The following CACNA1F variants were observed in gnomAD, a reference collection of about 807,000 sequenced individuals.
CACNA1F encodes the protein voltage-dependent L-type calcium channel subunit alpha-1F.
Under a neutral mutation model 143.8 loss-of-function variants are expected in CACNA1F, and 59 were observed. The ratio of observed to expected loss-of-function variants is 0.41; its 90% confidence interval spans 0.33 to 0.51. CACNA1F has a LOEUF of 0.51. Among genes scored for constraint, CACNA1F ranks in the 20% least tolerant of loss-of-function variants. The pLI is 0.22. For synonymous variants in CACNA1F, 643 were observed against 649.1 expected, an observed-to-expected ratio of 0.99 and a Z score of 0.14; for missense variants, 1,411 against 1,647.5, an observed-to-expected ratio of 0.86 and a Z score of 2.48.
In CACNA1F at chrX:49,228,314, G is replaced by T. The variant is rs2065844351; in HGVS notation, c.951C>A (p.Phe317Leu). 1 of 1,211,878 alleles carries T rather than the reference G, an allele frequency of 8.3e-7. No homozygotes were observed. The highest frequency in any genetic ancestry group is 3.0e-5 in the East Asian group (1 of 33,851). ...NGGITNFDNF[F>L]FAMLTVFQCV... ...ACTGGAAGACTGTCAGCATGGCGAA[G>T]AAGAAGTTGTCAAAGTTGGTGATGC... The change falls in exon 7 of 48, where the codon TTC becomes TTA. Residue 317 changes from phenylalanine to leucine, a missense_variant. Around this residue, in one of 3 missense-constraint regions of CACNA1F, gnomAD observed 950 missense variants for 1,128.1 expected, o/e 0.84. Coordinates refer to ENST00000323022, the MANE Select transcript of CACNA1F (RefSeq NM_001256789.3).
At position 49,226,026 on chromosome X, in the gene CACNA1F, G is replaced by C. The variant is rs782544445; in HGVS notation, c.1534C>G (p.Arg512Gly). ...CAGGCATTGGACTTCACTGCCCGAC[G>C]GCAGCGTGCCCGAAGGACCCGGTTG... ...RANRVLRARCRRAVKSNACYW... is the reference protein window; with the variant it reads ...RANRVLRARCGRAVKSNACYW... The change falls in exon 13 of 48, where the codon CGT becomes GGT. Residue 512 changes from arginine (R) to glycine (G), a missense_variant. Coordinates refer to ENST00000323022, the MANE Select transcript of CACNA1F (RefSeq NM_001256789.3). 65 of 1,187,380 alleles carry C rather than the reference G, an allele frequency of 5.5e-5. No individual in the cohort carries two copies. The highest frequency in any genetic ancestry group is 6.7e-5 in the Non-Finnish European group (59 of 883,563).
At chrX:49,217,238 C>T (rs1557107636) in intron 26 of CACNA1F, among the ~76,000 whole-genome samples, 2 of 112,901 alleles carry the variant, frequency 1.8e-5, no homozygotes, top group Non-Finnish European at 3.7e-5. Context: ...GGATTACAGG[C>T]GTGAGCCACA....
chrX:49,214,409 C>T, intron 29 of CACNA1F, 140 bp from the exon 30 acceptor site: 1 of 511,152 alleles, frequency 2.0e-6, no homozygotes, highest in Non-Finnish European at 3.5e-6. Flanking sequence ...CACTGTCTGC[C>T]TCCCATTATG....
rs371307413 is a variant in CACNA1F at position 49,205,767 on chromosome X, G to A, written c.5519C>T (p.Pro1840Leu). ...PPQRGRLLYA[P>L]LLLVEEGAAG... ...TGCGCCCTCTTCCACCAACAACAGC[G>A]GGGCATACAGGAGCCGACCCCGCTG... is the stretch of plus-strand genomic sequence containing the variant. The change falls in exon 47 of 48, where the codon CCG becomes CTG. Residue 1840 changes from proline to leucine, a missense_variant. By Grantham distance (98) the Pro-to-Leu change is moderately conservative. Transcript: ENST00000323022. 9.1e-6 allele frequency: 11 copies of A among 1,202,887 alleles called. No individual in the cohort carries two copies. The highest frequency in any genetic ancestry group is 2.3e-4 in the Middle Eastern group (1 of 4,319).
intron 14 of CACNA1F, among the ~76,000 whole-genome samples, chrX:49,223,951 C>T (rs1358195841): frequency 9.1e-6 from 1 of 110,303 alleles, no homozygotes; most frequent in African/African-American, 3.3e-5. Context: ...CCAGGCTGGT[C>T]TTGAACTCCT....
chrX:49,218,294 A>G (rs1480946288), intron 24 of CACNA1F, among the ~76,000 whole-genome samples, 161 bp downstream of exon 24: 5 of 111,932 alleles, frequency 4.5e-5, no homozygotes, highest in African/African-American at 1.6e-4. Context: ...TGGAAGGAAC[A>G]TGGGTCAGGC....
intron 26 of CACNA1F, among the ~76,000 whole-genome samples, chrX:49,217,255 G>A (rs1248261533): frequency 8.9e-5 from 10 of 112,876 alleles, no homozygotes; most frequent in Non-Finnish European, 1.7e-4. Flanking sequence ...CACAGCGCCC[G>A]GCCCAAGCTA....
intron 20 of CACNA1F, 87 bp downstream of exon 20, chrX:49,219,547 C>A: frequency 2.6e-6 from 3 of 1,173,959 alleles, no homozygotes; most frequent in Non-Finnish European, 3.4e-6. Context: ...AACACCCATG[C>A]CCCCACTCCC....
chrX:49,205,100 C>G lies in CACNA1F; in HGVS notation c.*37G>C, dbSNP rs2065577865. On this transcript the variant is annotated 3_prime_UTR_variant, in exon 48 of 48. Transcript: ENST00000323022. ...CTGCCTCCTGCTGGGGAGGGGAGGG[C>G]AGGAGGTTTATTGAGCAGTTGGGGA... 3 of 1,023,769 alleles carry G rather than the reference C, an allele frequency of 2.9e-6. No homozygotes were observed. The highest frequency in any genetic ancestry group is 4.1e-6 in the Non-Finnish European group (3 of 728,992). 84.4% of individuals were successfully genotyped at this position (1,023,769 alleles called of 1,213,427 possible). A position where few individuals can be genotyped will look rare whatever the true frequency, so the allele number is the denominator to read the frequency against.
chrX:49,214,702 G>A (rs1557106986), intron 29 of CACNA1F, among the ~76,000 whole-genome samples: 1 of 111,591 alleles, frequency 9.0e-6, no homozygotes, highest in Non-Finnish European at 1.9e-5. Context: ...ATGGGTCCCG[G>A]ATGAACAATG....
intron 40 of CACNA1F, 68 bp from the exon 41 acceptor site, chrX:49,209,827 C>G: frequency 8.5e-7 from 1 of 1,176,305 alleles, no homozygotes; most frequent in Non-Finnish European, 1.2e-6. Flanking sequence ...CGCCGCCTCT[C>G]TACCCACCAG....
intron 43 of CACNA1F, among the ~76,000 whole-genome samples, chrX:49,207,762 TTTTC>T (rs1557105249): frequency 9.1e-6 from 1 of 110,402 alleles, no homozygotes; most frequent in African/African-American, 3.3e-5. Flanking sequence ...TTTTTAAAAT[TTTTC>T]TTTAATCTGC....
At position 49,205,791 on chromosome X, in the gene CACNA1F, T is replaced by C; in HGVS notation, c.5495A>G (p.Gln1832Arg). The C allele has an allele frequency of 8.3e-7, 1 of 1,201,936 alleles. No individual in the cohort carries two copies. The highest frequency in any genetic ancestry group is 1.7e-5 in the African/African-American group (1 of 57,554). Residue 1832 changes from glutamine (Q) to arginine (R), a missense_variant, in exon 47 of 48, where the codon CAG becomes CGG. By Grantham distance (43) the Gln-to-Arg change is conservative. Around this residue, in one of 3 missense-constraint regions of CACNA1F, gnomAD observed 349 missense variants for 350.2 expected, o/e 1.00. Transcript: ENST00000323022. ...CGGGGCATACAGGAGCCGACCCCGC[T>C]GAGGTGGTGTTGCCCAGGAACCCTG... is the stretch of plus-strand genomic sequence containing the variant. ...RAQGSWATPP[Q>R]RGRLLYAPLL...
intron 24 of CACNA1F, 103 bp downstream of exon 24, chrX:49,218,352 C>CGT (rs2065738376): frequency 1.6e-6 from 1 of 634,032 alleles, no homozygotes. Context: ...AGGTCCAGGC[C>CGT]GTATGGTCAT....
rs782464539 is a variant in CACNA1F, at chrX:49,226,399, G to A, written c.1463+10C>T. 1.7e-6 allele frequency: 2 copies of A among 1,179,606 alleles called. No individual in the cohort carries two copies. The highest frequency in any genetic ancestry group is 2.4e-5 in the Admixed American group (1 of 41,595). On this transcript the variant is annotated intron_variant, in intron 11 of 47. Transcript: ENST00000323022. ...GCTTCTGGGCTGGGTCAGGGGCTGG[G>A]GGCCCTCACAGGCAGCGTGTACAGC...
At position 49,210,210 on chromosome X, in the gene CACNA1F, G is replaced by T; in HGVS notation, c.4588+91C>A. On this transcript the variant is annotated intron_variant, in intron 39 of 47. Transcript: ENST00000323022. ...TGGAGAATCCTGTCACCCATTCTGG[G>T]GTTCAGAGCTAGGAGTGGGGCCCAT... 5.5e-6 allele frequency: 4 copies of T among 731,243 alleles called. No individual in the cohort carries two copies. In the East Asian group the frequency reaches 9.5e-5, roughly 17 times the overall value. The allele number at this position is 731,243 out of a possible 1,213,427, so 60.3% of individuals were successfully genotyped here. A position where few individuals can be genotyped will look rare whatever the true frequency, so the allele number is the denominator to read the frequency against.
At chrX:49,212,152 C>G in intron 34 of CACNA1F, 91 bp downstream of exon 34, 1 of 872,023 alleles carries the variant, frequency 1.1e-6, no homozygotes, top group Non-Finnish European at 1.7e-6. Context: ...GCTTGTCTGT[C>G]TACCTGCCAC....
chrX:49,223,176 C>T lies in CACNA1F; in HGVS notation c.1878-40G>A, dbSNP rs782328798. ...GGAGGGGGCAGGGTCGATGCCATGTCCACTGGACATGGCTGGAGCATCAGG... is the reference window on the plus strand; with the variant it reads ...GGAGGGGGCAGGGTCGATGCCATGTTCACTGGACATGGCTGGAGCATCAGG... On this transcript the variant is annotated intron_variant, in intron 14 of 47. Coordinates refer to ENST00000323022, the MANE Select transcript of CACNA1F (RefSeq NM_001256789.3). The T allele has an allele frequency of 4.3e-5, 40 of 929,156 alleles. No individual in the cohort carries two copies. The South Asian group carries it at 4.8e-4, about 11-fold the overall frequency. 76.6% of individuals were successfully genotyped at this position (929,156 alleles called of 1,213,427 possible).
chrX:49,210,165 G>T, intron 39 of CACNA1F, 123 bp from the exon 40 acceptor site: 1 of 671,983 alleles, frequency 1.5e-6, no homozygotes, highest in Non-Finnish European at 2.5e-6. Context: ...CCCATTGGAC[G>T]GGGTGGGGGG....
Sources: gnomAD v4.1 joint callset for allele counts (sites outside exome capture counted in the v4.1 genomes callset) on GRCh38, gnomAD v4.1.1 for gene constraint, gnomAD v4.1.1 regional missense constraint, MANE v1.5 for transcripts, NCBI Gene and HGNC (gene_info 2026-07-23, HGNC 2026-07-21) for gene names.